The following SAMD4A variants were observed in gnomAD, a reference collection of about 807,000 sequenced individuals.
The protein encoded by SAMD4A is sterile alpha motif domain containing 4A.
In SAMD4A, 33 loss-of-function variants were observed where a neutral mutation model predicts 81.3. The ratio of observed to expected loss-of-function variants is 0.41; its 90% confidence interval spans 0.31 to 0.54. The LOEUF is 0.54. Ranked by LOEUF, SAMD4A falls within the 20% of genes least tolerant of loss-of-function variation. The pLI is 0.37. For synonymous variants in SAMD4A, 389 were observed against 382.1 expected (o/e 1.02, Z -0.21); for missense variants, 854 against 951.1 (o/e 0.90, Z 1.34).
At chr14:54,702,866 A>G (rs1341148396) in intron 3 of SAMD4A, 5 of 378,270 alleles carry the variant, frequency 1.3e-5, no homozygotes, top group Non-Finnish European at 2.4e-5. Flanking sequence ...TGCCGTTTCC[A>G]CAATCAGAAA....
intron 2 of SAMD4A, among the ~76,000 whole-genome samples, chr14:54,610,938 C>T (rs1157290841): frequency 6.6e-6 from 1 of 152,166 alleles, no homozygotes; most frequent in African/African-American, 2.4e-5. Flanking sequence ...CCATGATAGG[C>T]TTACATTTTT....
At chr14:54,687,242 GAGAAA>G (rs2036296341) in intron 2 of SAMD4A, 1 of 347,634 alleles carries the variant, frequency 2.9e-6, no homozygotes, top group African/African-American at 3.3e-5. Context: ...AAATAAGAAA[GAGAAA>G]AGATGGATCC....
intron 2 of SAMD4A, among the ~76,000 whole-genome samples, chr14:54,596,327 G>A (rs549388607): frequency 3.3e-5 from 5 of 152,332 alleles, no homozygotes; most frequent in Admixed American, 6.5e-5. Context: ...GCTCATGCCT[G>A]TAATCCCAGC....
chr14:54,669,312 T>G (rs1297578983), intron 2 of SAMD4A, among the ~76,000 whole-genome samples: 1 of 152,192 alleles, frequency 6.6e-6, no homozygotes, highest in Non-Finnish European at 1.5e-5. Context: ...CCTGAGCACC[T>G]GCTTTCCACG....
At chr14:54,769,192 C>T (rs1382194819) in intron 8 of SAMD4A, among the ~76,000 whole-genome samples, 1 of 152,206 alleles carries the variant, frequency 6.6e-6, no homozygotes, top group Admixed American at 6.5e-5. Context: ...GCTCTACCTG[C>T]AGCAGAATTA....
intron 2 of SAMD4A, chr14:54,694,826 G>T: frequency 1.0e-6 from 1 of 985,460 alleles, no homozygotes; most frequent in Non-Finnish European, 1.2e-6. Flanking sequence ...AGGAGTAAAG[G>T]AGCAGTCCTG....
intron 3 of SAMD4A, among the ~76,000 whole-genome samples, chr14:54,704,723 G>A (rs2036809295): frequency 6.6e-6 from 1 of 152,172 alleles, no homozygotes; most frequent in Admixed American, 6.5e-5. Context: ...CATCAGAGAA[G>A]ATCAAAGAGC....
At position 54,635,696 on chromosome 14, in the gene SAMD4A, C is replaced by T. The variant is rs529176855; in HGVS notation, c.197-66366C>T. On this transcript the variant is annotated intron_variant, in intron 2 of 12. Coordinates refer to ENST00000554335, the MANE Select transcript of SAMD4A (RefSeq NM_015589.6). ...CCAGGAGGTGGAGTTTGCAGTGAGC[C>T]GAGATTGCACCACTGCACTCCAGCG... Among the ~76,000 whole-genome samples, 7 of 150,316 alleles carry T rather than the reference C, an allele frequency of 4.7e-5. No individual in the cohort carries two copies. The South Asian group carries it at 6.3e-4, about 14-fold the overall frequency.
intron 8 of SAMD4A, among the ~76,000 whole-genome samples, chr14:54,765,892 C>T (rs904972410): frequency 1.3e-5 from 2 of 152,124 alleles, no homozygotes; most frequent in African/African-American, 4.8e-5. Context: ...CTCCCCCTTC[C>T]CCACTTCCCC....
chr14:54,759,818 C>T (rs11158021), intron 6 of SAMD4A, among the ~76,000 whole-genome samples: 65,523 of 151,976 alleles, frequency 0.43, 14,449 homozygotes, highest in African/African-American at 0.51. Flanking sequence ...TTGTACAGCT[C>T]CTAAAGCATG....
intron 2 of SAMD4A, among the ~76,000 whole-genome samples, chr14:54,606,183 C>CTGTG (rs57209362): frequency 0.14 from 21,128 of 146,412 alleles, 1,636 homozygotes; most frequent in East Asian, 0.22. Flanking sequence ...TACTTCTGGG[C>CTGTG]TGTGTGTGTG....
chr14:54,620,150 C>T (rs9285582), intron 2 of SAMD4A, among the ~76,000 whole-genome samples: 81,292 of 151,692 alleles, frequency 0.54, 22,186 homozygotes, highest in East Asian at 0.87. Context: ...ATAACCCTTA[C>T]TTTTTAGATG....
At chr14:54,643,649 G>A (rs1594766237) in intron 2 of SAMD4A, among the ~76,000 whole-genome samples, 1 of 152,362 alleles carries the variant, frequency 6.6e-6, no homozygotes, top group East Asian at 1.9e-4. Flanking sequence ...AAGTTTTGCG[G>A]TGTTATAAGA....
At chr14:54,697,598 C>T (rs1253266230) in intron 2 of SAMD4A, among the ~76,000 whole-genome samples, 1 of 152,070 alleles carries the variant, frequency 6.6e-6, no homozygotes, top group Non-Finnish European at 1.5e-5. Context: ...GGGTCCATGC[C>T]AGAATGGGAA....
chr14:54,753,631 C>T (rs1436271121), intron 6 of SAMD4A, among the ~76,000 whole-genome samples: 3 of 123,624 alleles, frequency 2.4e-5, no homozygotes, highest in African/African-American at 9.2e-5. Flanking sequence ...CACATATAGA[C>T]TATATAAAGT....
intron 2 of SAMD4A, among the ~76,000 whole-genome samples, chr14:54,610,016 G>A (rs2034314093): frequency 6.6e-6 from 1 of 152,132 alleles, no homozygotes; most frequent in African/African-American, 2.4e-5. Context: ...GGTTATATAT[G>A]CCGTGTTTTT....
intron 2 of SAMD4A, among the ~76,000 whole-genome samples, chr14:54,675,372 A>AAAAAAAAAAAAAAC: frequency 6.7e-6 from 1 of 149,410 alleles, no homozygotes. Flanking sequence ...GTCTCCAAAA[A>AAAAAAAAAAAAAAC]AAAAAAAAAA....
intron 2 of SAMD4A, among the ~76,000 whole-genome samples, chr14:54,569,108 C>T (rs1309250823): frequency 6.6e-6 from 1 of 151,918 alleles, no homozygotes; most frequent in East Asian, 1.9e-4. Context: ...TGAACAGAGT[C>T]CCCAGTGTTT....
intron 2 of SAMD4A, among the ~76,000 whole-genome samples, chr14:54,593,876 G>T (rs1013913758): frequency 2.1e-5 from 3 of 141,180 alleles, no homozygotes; most frequent in African/African-American, 7.4e-5. Context: ...TGAGCCAAGT[G>T]GGGGAGAATC....
Sources: gnomAD v4.1 joint callset for allele counts (sites outside exome capture counted in the v4.1 genomes callset) on GRCh38, gnomAD v4.1.1 for gene constraint, MANE v1.5 for transcripts, NCBI Gene and HGNC (gene_info 2026-07-23, HGNC 2026-07-21) for gene names.